The following FAF1 variants were observed in gnomAD, a reference collection of about 807,000 sequenced individuals.
FAF1 encodes the protein Fas associated factor 1, also known as FAS-associated factor 1.
In FAF1, 25 loss-of-function variants were observed where a neutral mutation model predicts 92.5. That is an observed-to-expected ratio of 0.27 (90% CI 0.20 to 0.38). The LOEUF is 0.38. Among genes scored for constraint, FAF1 ranks in the 10% least tolerant of loss-of-function variants. The pLI is 1.00. For synonymous variants in FAF1, 234 were observed against 273.2 expected (o/e 0.86, Z 1.42); for missense variants, 636 against 793.3 (o/e 0.80, Z 2.38).
intron 13 of FAF1, among the ~76,000 whole-genome samples, chr1:50,556,673 A>C (rs979005960): frequency 2.0e-5 from 3 of 151,826 alleles, no homozygotes; most frequent in Admixed American, 6.6e-5. Flanking sequence ...CCGTGTCTAC[A>C]AAAAGATACA....
intron 1 of FAF1, among the ~76,000 whole-genome samples, chr1:50,957,342 ATT>A (rs1432670180): frequency 8.6e-6 from 1 of 116,418 alleles, no homozygotes; most frequent in Non-Finnish European, 1.8e-5. Flanking sequence ...CGAAATTTTC[ATT>A]TTCTTTTTTT....
chr1:50,802,310 G>A (rs1219766352), intron 2 of FAF1, among the ~76,000 whole-genome samples: 2 of 152,056 alleles, frequency 1.3e-5, no homozygotes, highest in African/African-American at 2.4e-5. Context: ...GGCGGGTCTC[G>A]AACTCCCAAC....
chr1:50,841,582 T>C lies in FAF1; in HGVS notation c.114+16347A>G, dbSNP rs368415637. Among the ~76,000 whole-genome samples the C allele has an allele frequency of 1.4e-4, 21 of 152,104 alleles. 1 individual carries two copies. Among genetic ancestry groups the C allele is most frequent in the African/African-American group, 5.1e-4 (21 of 41,552 alleles). On this transcript the variant is annotated intron_variant, in intron 2 of 18. Coordinates refer to ENST00000396153, the MANE Select transcript of FAF1 (RefSeq NM_007051.3). ...GGATAAACCAAGCTTTTTTTTCCCT[T>C]TCTTTCTTTGCCTTTAGGGTTGTAG... is the stretch of plus-strand genomic sequence containing the variant.
intron 6 of FAF1, among the ~76,000 whole-genome samples, chr1:50,737,202 C>T (rs71651155): frequency 6.6e-6 from 1 of 152,172 alleles, no homozygotes; most frequent in Non-Finnish European, 1.5e-5. Context: ...AGTACTCATT[C>T]TCCAATAAAC....
intron 7 of FAF1, among the ~76,000 whole-genome samples, chr1:50,696,419 T>G (rs1313023574): frequency 6.6e-6 from 1 of 152,198 alleles, no homozygotes; most frequent in African/African-American, 2.4e-5. Context: ...CAAATCACAT[T>G]TATTTCTTCA....
intron 2 of FAF1, among the ~76,000 whole-genome samples, chr1:50,812,320 C>T (rs942795522): frequency 2.6e-5 from 4 of 151,898 alleles, no homozygotes; most frequent in African/African-American, 7.3e-5. Context: ...AGAAGATATA[C>T]GTATCCAAAA....
chr1:50,491,735 C>T lies in FAF1; in HGVS notation c.1561G>A (p.Ala521Thr), dbSNP rs774004965. 1 of 1,611,576 alleles carries T rather than the reference C, an allele frequency of 6.2e-7. No individual in the cohort carries two copies. Among genetic ancestry groups the T allele is most frequent in the East Asian group, 2.2e-5 (1 of 44,800 alleles). ...QDEAYRLSLE[A>T]DRAKREAHER... ...ACCAAGCCTACCTTTGCTCTGTCAG[C>T]CTCAAGTGAAAGGCGATAGGCCTCA... is the stretch of plus-strand genomic sequence containing the variant. The change falls in exon 16 of 19, where the codon GCT becomes ACT. Residue 521 changes from alanine to threonine, a missense_variant. Transcript: ENST00000396153.
At position 50,567,226 on chromosome 1, in the gene FAF1, C is replaced by T; in HGVS notation, c.1119G>A (p.Lys373=). 1 of 1,589,802 alleles carries T rather than the reference C, an allele frequency of 6.3e-7. No homozygotes were observed. The highest frequency in any genetic ancestry group is 8.6e-7 in the Non-Finnish European group (1 of 1,168,758). ...EAFYVKARDR[K]LLAIYLHHDE... ...CATGGTGGAGGTAGATAGCAAGAAG[C>T]TTTCTCTGAAAAGAGGAGAAAAATC... is the stretch of plus-strand genomic sequence containing the variant. The change falls in exon 13 of 19, where the codon AAG becomes AAA. Residue 373 remains lysine (K), a synonymous_variant. Coordinates refer to ENST00000396153, the MANE Select transcript of FAF1 (RefSeq NM_007051.3).
chr1:50,681,047 A>ATAC (rs1385502710), intron 7 of FAF1, among the ~76,000 whole-genome samples: 2 of 150,938 alleles, frequency 1.3e-5, no homozygotes, highest in African/African-American at 2.5e-5. Context: ...AATAATAATA[A>ATAC]TACGATGATG....
Position 50,788,138 on chromosome 1 carries a change from T to C in FAF1, c.229A>G (p.Thr77Ala), listed in dbSNP as rs760785243. The change falls in exon 4 of 19, where the codon ACT (threonine) becomes GCT (alanine). Residue 77 changes from threonine (T) to alanine (A), a missense_variant. Physicochemically the swap from Thr to Ala is moderately conservative, Grantham distance 58. Around this residue, in one of 2 missense-constraint regions of FAF1, gnomAD observed 317 missense variants for 342.4 expected, o/e 0.93. Coordinates refer to ENST00000396153, the MANE Select transcript of FAF1 (RefSeq NM_007051.3). ...CGAAACGCTGAAGAAGAAGAGGAAG[T>C]AGGAGCTGAAGCTGGATGACTTGCT... is the stretch of plus-strand genomic sequence containing the variant. ...NPASHPASAP[T>A]SSSSSAFRPV... The C allele has an allele frequency of 5.6e-6, 9 of 1,614,014 alleles. No individual in the cohort carries two copies. The East Asian group carries it at 6.7e-5, about 12-fold the overall frequency.
At chr1:50,939,291 A>G (rs917687801) in intron 1 of FAF1, among the ~76,000 whole-genome samples, 1 of 152,114 alleles carries the variant, frequency 6.6e-6, no homozygotes, top group Non-Finnish European at 1.5e-5. Flanking sequence ...TCCTTGGTTA[A>G]CTGTATTCAT....
intron 1 of FAF1, among the ~76,000 whole-genome samples, chr1:50,922,184 C>T (rs1417470748): frequency 3.3e-5 from 5 of 150,974 alleles, no homozygotes; most frequent in South Asian, 2.1e-4. Flanking sequence ...AAAGGCCAGG[C>T]GCAGTGGCTC....
At chr1:50,572,340 A>G (rs1191975464) in intron 12 of FAF1, among the ~76,000 whole-genome samples, 2 of 152,212 alleles carry the variant, frequency 1.3e-5, no homozygotes, top group Non-Finnish European at 2.9e-5. Flanking sequence ...ATTCCCTTAC[A>G]TAATCATCAT....
At position 50,535,596 on chromosome 1, in the gene FAF1, A is replaced by G. The variant is rs561577289; in HGVS notation, c.1406-139T>C. On this transcript the variant is annotated intron_variant, in intron 14 of 18. Coordinates refer to ENST00000396153, the MANE Select transcript of FAF1 (RefSeq NM_007051.3). Reference sequence around the variant, plus strand: ...AGTCTAAAAAAATTACAGTTAAAATACTTTTGTGGTTTTATTGAAATGTTT... The same window carrying G: ...AGTCTAAAAAAATTACAGTTAAAATGCTTTTGTGGTTTTATTGAAATGTTT... The G allele has an allele frequency of 5.2e-4, 281 of 542,264 alleles. 1 individual carries two copies. In the East Asian group the frequency reaches 8.1e-3, roughly 16 times the overall value. 33.6% of individuals were successfully genotyped at this position (542,264 alleles called of 1,614,324 possible).
intron 4 of FAF1, among the ~76,000 whole-genome samples, chr1:50,779,305 T>G (rs553798048): frequency 6.6e-6 from 1 of 152,342 alleles, no homozygotes; most frequent in South Asian, 2.1e-4. Context: ...CCTCCTCCCA[T>G]GAATCATGAG....
intron 7 of FAF1, among the ~76,000 whole-genome samples, chr1:50,663,564 G>A (rs1333638059): frequency 6.6e-6 from 1 of 151,030 alleles, no homozygotes; most frequent in Non-Finnish European, 1.5e-5. Flanking sequence ...CACCACACCC[G>A]GCTAATTTTT....
intron 2 of FAF1, among the ~76,000 whole-genome samples, chr1:50,845,149 A>C (rs1217948836): frequency 2.0e-5 from 3 of 152,202 alleles, no homozygotes; most frequent in Non-Finnish European, 4.4e-5. Flanking sequence ...CTCTTTAGAT[A>C]TCTCTCTCCT....
At chr1:50,806,864 C>CA (rs887266093) in intron 2 of FAF1, among the ~76,000 whole-genome samples, 5 of 151,822 alleles carry the variant, frequency 3.3e-5, no homozygotes, top group East Asian at 1.9e-4. Context: ...AAGACAAAAG[C>CA]AAAAAAACAA....
chr1:50,485,758 C>T (rs1014711564), intron 17 of FAF1, among the ~76,000 whole-genome samples: 1 of 145,362 alleles, frequency 6.9e-6, no homozygotes, highest in Admixed American at 6.8e-5. Flanking sequence ...GTTTAATTGA[C>T]TCACAGGCTT....
Sources: allele counts gnomAD v4.1 joint callset (sites outside exome capture counted in the v4.1 genomes callset), GRCh38; gene constraint gnomAD v4.1.1; regional missense constraint gnomAD v4.1.1; transcripts MANE v1.5; gene names NCBI Gene and HGNC (gene_info 2026-07-23, HGNC 2026-07-21).